Variants in TMEM169 observed in about 807,000 individuals in gnomAD.
The protein encoded by TMEM169 is transmembrane protein 169.
TMEM169 carries 18 observed loss-of-function variants against 27.3 expected under a neutral mutation model. That is an observed-to-expected ratio of 0.66 (90% CI 0.46 to 0.98). The LOEUF (loss-of-function observed/expected upper bound fraction) is 0.98. Ranked by LOEUF, TMEM169 falls within the 50% of genes least tolerant of loss-of-function variation. The pLI is 0.00. For synonymous variants in TMEM169, 136 were observed against 142.1 expected (o/e 0.96, Z 0.30); for missense variants, 320 against 368.6 (o/e 0.87, Z 1.08).
chr2:216,095,109 C>CTTTTTTTTTTTTT (rs71047975), intron 1 of TMEM169, among the ~76,000 whole-genome samples: 21,354 of 108,516 alleles, frequency 0.2, 3,998 homozygotes, highest in African/African-American at 0.35. Context: ...TTTTTTCTTT[C>CTTTTTTTTTTTTT]TTTTTTTTTT....
intron 2 of TMEM169, among the ~76,000 whole-genome samples, chr2:216,097,054 T>C (rs2105987345): frequency 6.6e-6 from 1 of 152,352 alleles, no homozygotes; most frequent in South Asian, 2.1e-4. Flanking sequence ...TCAACCACTT[T>C]GTGGAGGAAA....
At chr2:216,086,913 A>T (rs1043478445) in intron 1 of TMEM169, among the ~76,000 whole-genome samples, 8 of 152,214 alleles carry the variant, frequency 5.3e-5, no homozygotes, top group African/African-American at 1.9e-4. Flanking sequence ...AAGGAGGCAA[A>T]AGAAAGGGAA....
Position 216,102,525 on chromosome 2 carries a change from G to A in TMEM169, c.*1983G>A, listed in dbSNP as rs550861789. 23 of 152,344 alleles carry A rather than the reference G, an allele frequency of 1.5e-4. No individual in the cohort carries two copies. The highest frequency in any genetic ancestry group is 9.2e-4 in the Admixed American group (14 of 15,242). 9.4% of individuals were successfully genotyped at this position (152,344 alleles called of 1,614,324 possible). ...ACAAAGCTGTTGAGAGAACTGCTGC[G>A]ATGAATCAAACCAGAGGAGTTTGTC... On this transcript the variant is annotated 3_prime_UTR_variant, in exon 3 of 3. Coordinates refer to ENST00000437356, the MANE Select transcript of TMEM169 (RefSeq NM_001142311.2).
At position 216,100,738 on chromosome 2, in the gene TMEM169, A is replaced by G; in HGVS notation, c.*196A>G. The G allele has an allele frequency of 3.0e-6, 2 of 675,130 alleles. No homozygotes were observed. Among genetic ancestry groups the G allele is most frequent in the East Asian group, 5.5e-5 (2 of 36,242 alleles). The allele number at this position is 675,130 out of a possible 1,614,324, so 41.8% of individuals were successfully genotyped here. ...ACAAGCAATTGTGCCAAAGCAGTTC[A>G]CCCAATGGACAAACTCTTTTTGATT... is the stretch of plus-strand genomic sequence containing the variant. On this transcript the variant is annotated 3_prime_UTR_variant, in exon 3 of 3. Transcript: ENST00000437356.
chr2:216,089,293 C>T (rs1696075382), intron 1 of TMEM169, among the ~76,000 whole-genome samples: 1 of 152,060 alleles, frequency 6.6e-6, no homozygotes, highest in Non-Finnish European at 1.5e-5. Flanking sequence ...ACATCAGGGA[C>T]TTTCAAGACT....
chr2:216,095,288 A>G (rs569208810), intron 1 of TMEM169, among the ~76,000 whole-genome samples: 56 of 151,820 alleles, frequency 3.7e-4, no homozygotes, highest in African/African-American at 1.3e-3. Flanking sequence ...GGGTTTTGCC[A>G]TGTTGGCCAG....
chr2:216,093,809 A>T (rs541678430), intron 1 of TMEM169, among the ~76,000 whole-genome samples: 1 of 152,146 alleles, frequency 6.6e-6, no homozygotes, highest in African/African-American at 2.4e-5. Context: ...GAGAAAAAAA[A>T]ATATGTATTC....
chr2:216,095,335 G>A (rs191489492), intron 1 of TMEM169, among the ~76,000 whole-genome samples: 90 of 151,878 alleles, frequency 5.9e-4, no homozygotes, highest in African/African-American at 2.0e-3. Flanking sequence ...TGATCCACCC[G>A]CCTCGGCCTC....
At chr2:216,089,077 C>T (rs1411917453) in intron 1 of TMEM169, among the ~76,000 whole-genome samples, 1 of 151,992 alleles carries the variant, frequency 6.6e-6, no homozygotes, top group Non-Finnish European at 1.5e-5. Flanking sequence ...AATTAAGAAT[C>T]GGGCCTAGAA....
At chr2:216,094,190 C>T (rs772662264) in intron 1 of TMEM169, among the ~76,000 whole-genome samples, 10 of 152,068 alleles carry the variant, frequency 6.6e-5, no homozygotes, top group Admixed American at 2.0e-4. Flanking sequence ...GAGTGTGGGG[C>T]GGCAGGGTTG....
Position 216,095,894 on chromosome 2 carries a change from A to C in TMEM169, c.-70A>C. ...GCCCCATCTAGGAAGAAGTTCTGTG[A>C]TGTGTGAACTGTGAGTTTACTCAAA... is the stretch of plus-strand genomic sequence containing the variant. On this transcript the variant is annotated 5_prime_UTR_variant, in exon 2 of 3. An upstream start codon of the reference 5' UTR is lost. Transcript: ENST00000437356. The C allele has an allele frequency of 2.0e-6, 3 of 1,518,876 alleles. No individual in the cohort carries two copies. The highest frequency in any genetic ancestry group is 2.7e-6 in the Non-Finnish European group (3 of 1,128,988). 94.1% of individuals were successfully genotyped at this position (1,518,876 alleles called of 1,614,324 possible).
At chr2:216,092,343 C>G (rs1299958120) in intron 1 of TMEM169, among the ~76,000 whole-genome samples, 1 of 152,010 alleles carries the variant, frequency 6.6e-6, no homozygotes, top group East Asian at 1.9e-4. Flanking sequence ...AACACTACAC[C>G]TTTTTATGTT....
At chr2:216,094,236 G>C (rs1465270663) in intron 1 of TMEM169, among the ~76,000 whole-genome samples, 3 of 152,168 alleles carry the variant, frequency 2.0e-5, no homozygotes, top group Non-Finnish European at 4.4e-5. Context: ...AATATGCACA[G>C]TTATTTGAAA....
rs765234985 is a variant in TMEM169 at position 216,100,195 on chromosome 2, G to A, written c.547G>A (p.Gly183Ser). ...TTCTTTTGTTGTCTCTTTCTACTAC[G>A]GCACTATCACCTGGTACAACATCTT... ...ILSFVVSFYYGTITWYNIFLV... is the reference protein window; with the variant it reads ...ILSFVVSFYYSTITWYNIFLV... The change falls in exon 3 of 3, where the codon GGC (glycine) becomes AGC (serine). Residue 183 changes from glycine to serine, a missense_variant. By Grantham distance (56) the Gly-to-Ser change is moderately conservative. Transcript: ENST00000437356. 2.1e-5 allele frequency: 34 copies of A among 1,613,530 alleles called. No individual in the cohort carries two copies. The highest frequency in any genetic ancestry group is 4.5e-5 in the East Asian group (2 of 44,880).
At chr2:216,087,123 G>A (rs944571584) in intron 1 of TMEM169, among the ~76,000 whole-genome samples, 2 of 152,100 alleles carry the variant, frequency 1.3e-5, no homozygotes, top group African/African-American at 4.8e-5. Context: ...GCGTGACAAA[G>A]ATGAAGAAAC....
intron 1 of TMEM169, among the ~76,000 whole-genome samples, chr2:216,089,033 G>A (rs1696070444): frequency 6.6e-6 from 1 of 152,148 alleles, no homozygotes; most frequent in Non-Finnish European, 1.5e-5. Flanking sequence ...TTAACAAGAG[G>A]AACAGAGTGT....
rs368056286 is a variant in TMEM169, at chr2:216,100,302, C to G, written c.654C>G (p.Ile218Met). The G allele has an allele frequency of 6.2e-6, 10 of 1,613,818 alleles. No individual in the cohort carries two copies. The highest frequency in any genetic ancestry group is 4.0e-5 in the African/African-American group (3 of 74,828). The change falls in exon 3 of 3, where the codon ATC becomes ATG. Residue 218 changes from isoleucine to methionine, a missense_variant. Ile to Met is a conservative substitution (Grantham distance 10, BLOSUM62 1). Transcript: ENST00000437356. ...PCLVLFYPVL[I>M]MAMASSLGLY... ...TCGTTCTCTTCTATCCAGTGCTCAT[C>G]ATGGCCATGGCTTCTTCCCTCGGCC...
At chr2:216,093,125 A>AGTTGT (rs748583380) in intron 1 of TMEM169, among the ~76,000 whole-genome samples, 1,703 of 145,906 alleles carry the variant, frequency 0.012, 47 homozygotes, top group African/African-American at 0.042. Flanking sequence ...GTAATAATGA[A>AGTTGT]GTGTGTGTGT....
chr2:216,100,264 T>C lies in TMEM169; in HGVS notation c.616T>C (p.Tyr206His). 3.7e-6 allele frequency: 6 copies of C among 1,613,822 alleles called. No individual in the cohort carries two copies. The highest frequency in any genetic ancestry group is 5.1e-6 in the Non-Finnish European group (6 of 1,179,980). The change falls in exon 3 of 3, where the codon TAT (tyrosine) becomes CAT (histidine). Residue 206 changes from tyrosine to histidine, a missense_variant. Tyr to His is a moderately conservative substitution (Grantham distance 83). Transcript: ENST00000437356. ...AAGGACCTTCTGGCACAAGATCTCGTATTGCCCTTGCCTCGTTCTCTTCTA... is the reference window on the plus strand; with the variant it reads ...AAGGACCTTCTGGCACAAGATCTCGCATTGCCCTTGCCTCGTTCTCTTCTA... ...EERTFWHKIS[Y>H]CPCLVLFYPV...
Sources: allele counts gnomAD v4.1 joint callset (sites outside exome capture counted in the v4.1 genomes callset), GRCh38; gene constraint gnomAD v4.1.1; transcripts MANE v1.5; gene names NCBI Gene and HGNC (gene_info 2026-07-23, HGNC 2026-07-21).